BRINP1: variants seen among roughly 807,000 people sequenced by gnomAD.
The protein encoded by BRINP1 is BMP/retinoic acid-inducible neural-specific protein 1.
BRINP1 carries 17 observed loss-of-function variants against 72.9 expected under a neutral mutation model. The ratio of observed to expected loss-of-function variants is 0.23; its 90% CI spans 0.16 to 0.35. The LOEUF (loss-of-function observed/expected upper bound fraction) is 0.35. BRINP1 is among the 10% of genes least tolerant of loss of function. BRINP1 has a pLI of 1.00. For missense variants in BRINP1, 850 were observed against 1,001.6 expected (o/e 0.85, Z 2.04); for synonymous variants, 418 against 378.5 (o/e 1.10, Z -1.21).
chr9:119,193,581 A>C (rs1415895316), intron 7 of BRINP1, among the ~76,000 whole-genome samples: 1 of 152,198 alleles, frequency 6.6e-6, no homozygotes, highest in East Asian at 1.9e-4. Flanking sequence ...TAACTAGGTG[A>C]GATGATAGCT....
intron 5 of BRINP1, among the ~76,000 whole-genome samples, chr9:119,215,076 C>A (rs138597555): frequency 2.4e-4 from 36 of 152,200 alleles, no homozygotes; most frequent in African/African-American, 7.7e-4. Context: ...TTTAATAGGA[C>A]CACTGTAACA....
intron 6 of BRINP1, among the ~76,000 whole-genome samples, chr9:119,209,786 A>T (rs1045433279): frequency 1.3e-5 from 2 of 152,234 alleles, no homozygotes; most frequent in African/African-American, 2.4e-5. Flanking sequence ...TGTTAAAGGC[A>T]TGCTAGCACC....
At chr9:119,249,539 TTA>T (rs1031902349) in intron 2 of BRINP1, among the ~76,000 whole-genome samples, 10 of 152,072 alleles carry the variant, frequency 6.6e-5, no homozygotes, top group Admixed American at 3.9e-4. Flanking sequence ...TCATGGTATT[TTA>T]TAGTTTCCAA....
At chr9:119,216,740 G>T (rs1052930852) in intron 5 of BRINP1, among the ~76,000 whole-genome samples, 1 of 152,108 alleles carries the variant, frequency 6.6e-6, no homozygotes, top group East Asian at 1.9e-4. Context: ...CCCTTCTGTA[G>T]GGGATAAAAT....
At chr9:119,363,368 C>A (rs983355538) in intron 1 of BRINP1, among the ~76,000 whole-genome samples, 2 of 152,154 alleles carry the variant, frequency 1.3e-5, no homozygotes, top group Non-Finnish European at 1.5e-5. Flanking sequence ...TCCTAAAGTG[C>A]TTTGATTAGA....
chr9:119,200,192 G>A (rs1829790407), intron 7 of BRINP1, among the ~76,000 whole-genome samples: 1 of 152,216 alleles, frequency 6.6e-6, no homozygotes, highest in Non-Finnish European at 1.5e-5. Context: ...CATTGAACAA[G>A]TTTTTTGAAT....
intron 7 of BRINP1, among the ~76,000 whole-genome samples, chr9:119,173,838 C>G (rs1350175696): frequency 7.1e-6 from 1 of 141,528 alleles, no homozygotes; most frequent in Non-Finnish European, 1.5e-5. Flanking sequence ...AATAATGCCG[C>G]ATATCTACAA....
intron 2 of BRINP1, among the ~76,000 whole-genome samples, chr9:119,263,812 G>A (rs1830520972): frequency 6.6e-6 from 1 of 151,938 alleles, no homozygotes; most frequent in East Asian, 1.9e-4. Flanking sequence ...GTTTCACCGT[G>A]TTAGCCAGGA....
At chr9:119,215,733 A>C (rs1829970081) in intron 5 of BRINP1, among the ~76,000 whole-genome samples, 1 of 152,320 alleles carries the variant, frequency 6.6e-6, no homozygotes, top group South Asian at 2.1e-4. Flanking sequence ...ATATTTTCAG[A>C]GGGACATTGT....
At chr9:119,172,480 C>A (rs554517344) in intron 7 of BRINP1, among the ~76,000 whole-genome samples, 22 of 151,888 alleles carry the variant, frequency 1.4e-4, no homozygotes, top group African/African-American at 4.6e-4. Flanking sequence ...GAAATTGTGG[C>A]AATAATCAAT....
chr9:119,214,173 G>C lies in BRINP1; in HGVS notation c.686-18C>G. On this transcript the variant is annotated intron_variant, in intron 5 of 7. Coordinates refer to ENST00000265922, the MANE Select transcript of BRINP1 (RefSeq NM_014618.3). ...CTGAAGACCTGTGTGAGAATAGCAA[G>C]AAGGGAAAACAGAAAGGTTTAAAAA... 1 of 1,573,574 alleles carries C rather than the reference G, an allele frequency of 6.4e-7. No individual in the cohort carries two copies. Among genetic ancestry groups the C allele is most frequent in the South Asian group, 1.1e-5 (1 of 90,000 alleles).
chr9:119,174,798 T>A (rs571145057), intron 7 of BRINP1, among the ~76,000 whole-genome samples: 198 of 151,630 alleles, frequency 1.3e-3, no homozygotes, highest in Non-Finnish European at 2.5e-4. Context: ...TAAAAAATGA[T>A]GAGTTCATGT....
At chr9:119,269,194 G>A (rs1588184972) in intron 2 of BRINP1, among the ~76,000 whole-genome samples, 1 of 152,166 alleles carries the variant, frequency 6.6e-6, no homozygotes. Flanking sequence ...CACTCCCAAA[G>A]CAGACATCTG....
intron 6 of BRINP1, among the ~76,000 whole-genome samples, chr9:119,211,349 C>T (rs934929698): frequency 2.6e-5 from 4 of 152,142 alleles, no homozygotes; most frequent in East Asian, 1.9e-4. Context: ...AGGCATGTGC[C>T]GCCACACCCG....
intron 1 of BRINP1, among the ~76,000 whole-genome samples, chr9:119,335,204 C>A (rs996843375): frequency 2.0e-5 from 3 of 152,162 alleles, no homozygotes; most frequent in African/African-American, 7.2e-5. Context: ...GCTGCTTGAG[C>A]CAAGTTACGT....
At chr9:119,197,777 T>C (rs1247607311) in intron 7 of BRINP1, among the ~76,000 whole-genome samples, 3 of 152,250 alleles carry the variant, frequency 2.0e-5, no homozygotes, top group Non-Finnish European at 2.9e-5. Flanking sequence ...CCAAACCTGT[T>C]TATGCCCGTT....
intron 1 of BRINP1, among the ~76,000 whole-genome samples, chr9:119,316,823 T>C (rs1831129724): frequency 6.6e-6 from 1 of 152,064 alleles, no homozygotes; most frequent in African/African-American, 2.4e-5. Flanking sequence ...CTGCAGCCCA[T>C]AGATCAAGGC....
At chr9:119,174,309 C>T (rs1829455669) in intron 7 of BRINP1, among the ~76,000 whole-genome samples, 1 of 150,798 alleles carries the variant, frequency 6.6e-6, no homozygotes, top group South Asian at 2.1e-4. Context: ...GGGCGAAGGA[C>T]ATGAACAGAC....
chr9:119,305,817 A>G (rs1284298205), intron 2 of BRINP1, among the ~76,000 whole-genome samples: 2 of 152,128 alleles, frequency 1.3e-5, no homozygotes, highest in Admixed American at 1.3e-4. Flanking sequence ...TCCTTGAGGG[A>G]AGGGATCAAT....
Sources: allele counts gnomAD v4.1 joint callset (sites outside exome capture counted in the v4.1 genomes callset), GRCh38; gene constraint gnomAD v4.1.1; transcripts MANE v1.5; gene names NCBI Gene and HGNC (gene_info 2026-07-23, HGNC 2026-07-21).